LRMDA: variants seen among roughly 807,000 people sequenced by gnomAD.
LRMDA encodes the protein leucine-rich melanocyte differentiation-associated protein.
A neutral mutation model predicts 29.8 loss-of-function variants in LRMDA; 18 were observed. That is an observed-to-expected ratio of 0.60 (90% confidence interval 0.42 to 0.90). The LOEUF is 0.90. LRMDA is among the 40% of genes least tolerant of loss of function. LRMDA has a pLI of 0.00. For missense variants in LRMDA, 273 were observed against 273.9 expected (o/e 1.00, Z 0.02); for synonymous variants, 125 against 109.4 (o/e 1.14, Z -0.89).
chr10:76,032,747 A>G (rs76588501), intron 2 of LRMDA, among the ~76,000 whole-genome samples: 2,057 of 152,144 alleles, frequency 0.014, 43 homozygotes, highest in African/African-American at 0.047. Context: ...CCAGGCCTGG[A>G]TGATCTCCCT....
chr10:76,517,939 C>CATAT (rs71024602), intron 6 of LRMDA, among the ~76,000 whole-genome samples: 5,158 of 144,142 alleles, frequency 0.036, 227 homozygotes, highest in African/African-American at 0.11. Flanking sequence ...TATATATAAA[C>CATAT]ATATATATAT....
At chr10:76,122,015 A>G (rs1849798634) in intron 5 of LRMDA, among the ~76,000 whole-genome samples, 1 of 152,220 alleles carries the variant, frequency 6.6e-6, no homozygotes, top group African/African-American at 2.4e-5. Flanking sequence ...GATAATAAGT[A>G]GATAAATAAA....
chr10:76,439,030 T>C (rs1842273896), intron 6 of LRMDA, among the ~76,000 whole-genome samples: 1 of 152,230 alleles, frequency 6.6e-6, no homozygotes, highest in Non-Finnish European at 1.5e-5. Flanking sequence ...AAGCTTATGA[T>C]GAATACTTAG....
intron 6 of LRMDA, among the ~76,000 whole-genome samples, chr10:76,430,479 C>T: frequency 6.6e-6 from 1 of 152,100 alleles, no homozygotes; most frequent in Non-Finnish European, 1.5e-5. Context: ...ACTTTTTAGT[C>T]ATAGTATTAA....
At chr10:75,990,460 C>T (rs1406548031) in intron 2 of LRMDA, among the ~76,000 whole-genome samples, 1 of 152,120 alleles carries the variant, frequency 6.6e-6, no homozygotes, top group Non-Finnish European at 1.5e-5. Flanking sequence ...TTGGACTTTG[C>T]CCATTTATGA....
intron 2 of LRMDA, among the ~76,000 whole-genome samples, chr10:75,879,406 C>T (rs551934589): frequency 1.1e-4 from 16 of 152,338 alleles, no homozygotes; most frequent in South Asian, 6.2e-4. Flanking sequence ...AATTTCCAAC[C>T]GCCTTGAGCC....
rs541015218 is a variant in LRMDA at position 75,466,469 on chromosome 10, T to G, written c.131+27975T>G. On this transcript the variant is annotated intron_variant, in intron 2 of 6. Coordinates refer to ENST00000611255, the MANE Select transcript of LRMDA (RefSeq NM_001305581.2). ...TCAGTTGCCCCCTGCTTTCTCTGGG[T>G]GCTGTGGGAATTAGTGGTTTTCCAC... Among the ~76,000 whole-genome samples the G allele has an allele frequency of 6.6e-5, 10 of 152,318 alleles. No individual in the cohort carries two copies. In the Middle Eastern group the frequency reaches 0.01, roughly 155 times the overall value.
At chr10:75,750,312 C>T (rs960599390) in intron 2 of LRMDA, among the ~76,000 whole-genome samples, 7 of 152,106 alleles carry the variant, frequency 4.6e-5, no homozygotes, top group African/African-American at 1.4e-4. Context: ...CCCCCACCTC[C>T]CTCCCGGACG....
chr10:76,325,522 A>G (rs1840823378), intron 6 of LRMDA, among the ~76,000 whole-genome samples: 2 of 152,192 alleles, frequency 1.3e-5, no homozygotes, highest in Non-Finnish European at 2.9e-5. Flanking sequence ...CTTTCACTGA[A>G]TGTCCTTTTG....
chr10:75,644,572 GC>G (rs1390696948), intron 2 of LRMDA, among the ~76,000 whole-genome samples: 5 of 152,094 alleles, frequency 3.3e-5, no homozygotes, highest in Non-Finnish European at 7.3e-5. Flanking sequence ...AAATAAACAG[GC>G]TTCATTAAAT....
intron 4 of LRMDA, among the ~76,000 whole-genome samples, chr10:76,056,477 T>G (rs972283276): frequency 6.6e-6 from 1 of 152,208 alleles, no homozygotes; most frequent in Non-Finnish European, 1.5e-5. Context: ...ACCTGCTGTC[T>G]ATAGTGCCCA....
At chr10:75,648,105 T>C (rs1564530440) in intron 2 of LRMDA, among the ~76,000 whole-genome samples, 1 of 152,362 alleles carries the variant, frequency 6.6e-6, no homozygotes, top group East Asian at 1.9e-4. Context: ...TGTGATACTT[T>C]GTTTTTCTCA....
chr10:76,037,590 A>G (rs997615001), intron 3 of LRMDA, among the ~76,000 whole-genome samples: 1 of 152,188 alleles, frequency 6.6e-6, no homozygotes, highest in Non-Finnish European at 1.5e-5. Context: ...TTTATTTCTC[A>G]CAGTCTGGAG....
intron 2 of LRMDA, among the ~76,000 whole-genome samples, chr10:75,791,499 A>G (rs1022659444): frequency 2.6e-5 from 4 of 152,252 alleles, no homozygotes; most frequent in Non-Finnish European, 5.9e-5. Context: ...ATCTTCCATA[A>G]TTATACCTAT....
chr10:75,983,126 G>A (rs1029938785), intron 2 of LRMDA, among the ~76,000 whole-genome samples: 1 of 152,060 alleles, frequency 6.6e-6, no homozygotes, highest in Non-Finnish European at 1.5e-5. Context: ...GGGGGAGCTC[G>A]GGTTGTAGTA....
intron 2 of LRMDA, among the ~76,000 whole-genome samples, chr10:76,016,017 T>C (rs1391814245): frequency 6.6e-6 from 1 of 152,246 alleles, no homozygotes; most frequent in African/African-American, 2.4e-5. Flanking sequence ...ATGTGGCATA[T>C]AATCATATAT....
intron 5 of LRMDA, among the ~76,000 whole-genome samples, chr10:76,179,274 T>C (rs765253555): frequency 8.6e-5 from 13 of 152,022 alleles, no homozygotes; most frequent in Non-Finnish European, 1.9e-4. Flanking sequence ...CATTTCCCTG[T>C]TCTCTGCTCT....
chr10:75,534,670 T>TC (rs533834173), intron 2 of LRMDA, among the ~76,000 whole-genome samples: 45 of 152,338 alleles, frequency 3.0e-4, no homozygotes, highest in African/African-American at 1.0e-3. Context: ...GATGTTTTTG[T>TC]CTTCTTTTCC....
At chr10:75,725,794 C>T (rs994822583) in intron 2 of LRMDA, among the ~76,000 whole-genome samples, 1 of 152,198 alleles carries the variant, frequency 6.6e-6, no homozygotes, top group African/African-American at 2.4e-5. Context: ...AGGACTGTAT[C>T]TACCTTGCCT....
Sources: gnomAD v4.1 joint callset for allele counts (sites outside exome capture counted in the v4.1 genomes callset) on GRCh38, gnomAD v4.1.1 for gene constraint, MANE v1.5 for transcripts, NCBI Gene and HGNC (gene_info 2026-07-23, HGNC 2026-07-21) for gene names.